The following HECW2 variants were observed in gnomAD, a reference collection of about 807,000 sequenced individuals.
HECW2 encodes the protein E3 ubiquitin-protein ligase HECW2.
HECW2 carries 61 observed loss-of-function variants against 175.2 expected under a neutral mutation model. That is an observed-to-expected ratio of 0.35 (90% CI 0.28 to 0.43). The LOEUF is 0.43. Ranked by LOEUF, HECW2 falls within the 20% of genes least tolerant of loss-of-function variation. The pLI is 1.00. For missense variants in HECW2, 1,524 were observed against 2,000.5 expected (o/e 0.76, Z 4.54); for synonymous variants, 671 against 731.0 (o/e 0.92, Z 1.32).
At chr2:196,330,089 G>A (rs1017703410) in intron 4 of HECW2, among the ~76,000 whole-genome samples, 3 of 152,080 alleles carry the variant, frequency 2.0e-5, no homozygotes, top group East Asian at 3.9e-4. Flanking sequence ...ATGCTCTCTC[G>A]TCAAGTATTT....
At chr2:196,477,529 G>T (rs974605253) in intron 1 of HECW2, among the ~76,000 whole-genome samples, 1 of 152,138 alleles carries the variant, frequency 6.6e-6, no homozygotes, top group Non-Finnish European at 1.5e-5. Context: ...TGTCACAGGG[G>T]ATTTCATTTT....
intron 14 of HECW2, among the ~76,000 whole-genome samples, chr2:196,279,303 C>T (rs1455613604): frequency 2.6e-5 from 4 of 152,206 alleles, no homozygotes; most frequent in African/African-American, 7.2e-5. Flanking sequence ...CTGCCTTGGC[C>T]TCCCAAAGTG....
intron 19 of HECW2, among the ~76,000 whole-genome samples, chr2:196,244,290 G>A (rs890211523): frequency 6.6e-6 from 1 of 152,152 alleles, no homozygotes; most frequent in Non-Finnish European, 1.5e-5. Context: ...AGGAAACAAA[G>A]CTATACCCCT....
chr2:196,224,312 G>A (rs11888381), intron 23 of HECW2, among the ~76,000 whole-genome samples: 7,728 of 152,146 alleles, frequency 0.051, 653 homozygotes, highest in African/African-American at 0.18. Context: ...CATCCGAGTG[G>A]AGATATTTGG....
intron 1 of HECW2, among the ~76,000 whole-genome samples, chr2:196,543,737 C>T (rs562491784): frequency 3.9e-5 from 6 of 152,218 alleles, no homozygotes; most frequent in African/African-American, 4.8e-5. Flanking sequence ...CTCAGCCTCC[C>T]GAGTAGCTGG....
intron 14 of HECW2, chr2:196,291,531 T>C (rs1274434605): frequency 2.0e-5 from 3 of 152,212 alleles, no homozygotes; most frequent in Non-Finnish European, 4.4e-5. Flanking sequence ...CAAGGGTTGT[T>C]AAATACTTTA....
rs532704440 is a variant in HECW2 at position 196,501,278 on chromosome 2, T to C, written c.-35-67820A>G. ...GGAAGGGATGCCACAATTACAGAAA[T>C]TGACAAAAAGAATTTTATTTTTTGA... On this transcript the variant is annotated intron_variant, in intron 1 of 28. Coordinates refer to ENST00000644978, the MANE Select transcript of HECW2 (RefSeq NM_001348768.2). 1.6e-3 allele frequency among the ~76,000 whole-genome samples: 251 copies of C among 152,240 alleles called. 1 individual carries two copies. The highest frequency in any genetic ancestry group is 5.8e-3 in the African/African-American group (239 of 41,546).
At chr2:196,391,153 A>C (rs960269498) in intron 2 of HECW2, among the ~76,000 whole-genome samples, 21 of 152,292 alleles carry the variant, frequency 1.4e-4, no homozygotes, top group Non-Finnish European at 2.9e-4. Flanking sequence ...CCAGTTCTAA[A>C]TATATAGTCT....
chr2:196,475,732 C>G (rs1472593927), intron 1 of HECW2, among the ~76,000 whole-genome samples: 1 of 152,196 alleles, frequency 6.6e-6, no homozygotes, highest in African/African-American at 2.4e-5. Flanking sequence ...CTTAATTGGC[C>G]TCTGTTGGTT....
chr2:196,467,407 C>G (rs1489319778), intron 1 of HECW2, among the ~76,000 whole-genome samples: 1 of 152,008 alleles, frequency 6.6e-6, no homozygotes, highest in Admixed American at 6.6e-5. Flanking sequence ...GGAGGAGGAG[C>G]TGCTATTTAT....
At chr2:196,503,357 G>A (rs563326744) in intron 1 of HECW2, among the ~76,000 whole-genome samples, 1 of 152,174 alleles carries the variant, frequency 6.6e-6, no homozygotes. Flanking sequence ...TGTGCAGAGG[G>A]GCAAGATAGA....
chr2:196,240,359 T>C, intron 21 of HECW2, 90 bp downstream of exon 21: 1 of 908,252 alleles, frequency 1.1e-6, no homozygotes, highest in Non-Finnish European at 1.7e-6. Flanking sequence ...CAGAAGGATT[T>C]CCTGTTTCAG....
At chr2:196,205,265 C>T (rs553750946) in intron 28 of HECW2, among the ~76,000 whole-genome samples, 9 of 152,188 alleles carry the variant, frequency 5.9e-5, no homozygotes, top group African/African-American at 1.9e-4. Flanking sequence ...GAGTCAGTGG[C>T]CAAATCAAGA....
At position 196,429,801 on chromosome 2, in the gene HECW2, T is replaced by C. The variant is rs1197956599; in HGVS notation, c.292+3331A>G. ...CTGAGTCAACCGGAGTACTAGAATC[T>C]CCAGGCCAGGGCCCTGGAAAGAAAA... On this transcript the variant is annotated intron_variant, in intron 2 of 28. Coordinates refer to ENST00000644978, the MANE Select transcript of HECW2 (RefSeq NM_001348768.2). Among the ~76,000 whole-genome samples, 4 of 152,138 alleles carry C rather than the reference T, an allele frequency of 2.6e-5. No individual in the cohort carries two copies. In the East Asian group the frequency reaches 7.7e-4, roughly 29 times the overall value.
At chr2:196,412,129 T>C (rs1345805112) in intron 2 of HECW2, among the ~76,000 whole-genome samples, 1 of 152,238 alleles carries the variant, frequency 6.6e-6, no homozygotes, top group African/African-American at 2.4e-5. Context: ...ATTAGTTTGC[T>C]AGGGCTGCCG....
intron 4 of HECW2, among the ~76,000 whole-genome samples, chr2:196,332,419 G>GTGTTTAA (rs1692400478): frequency 6.6e-6 from 1 of 152,148 alleles, no homozygotes; most frequent in African/African-American, 2.4e-5. Flanking sequence ...CTCAAGCTTG[G>GTGTTTAA]TCAGAAATCG....
chr2:196,382,812 C>T (rs1461842775), intron 2 of HECW2, among the ~76,000 whole-genome samples: 1 of 152,156 alleles, frequency 6.6e-6, no homozygotes, highest in African/African-American at 2.4e-5. Flanking sequence ...TAACCCTGAC[C>T]TTTAGAAATG....
intron 17 of HECW2, among the ~76,000 whole-genome samples, chr2:196,261,964 A>G (rs191997893): frequency 1.8e-4 from 28 of 152,274 alleles, no homozygotes; most frequent in African/African-American, 6.7e-4. Flanking sequence ...TGTTAAAGAC[A>G]ACTGATCATG....
intron 1 of HECW2, among the ~76,000 whole-genome samples, chr2:196,437,610 T>TTAAAAAAAAAAAAAA (rs1695916412): frequency 1.1e-3 from 1 of 900 alleles, no homozygotes; most frequent in Admixed American, 0.019. Context: ...AGACTCTGTC[T>TTAAAAAAAAAAAAAA]CAAAAAAAAA....
Sources: allele counts gnomAD v4.1 joint callset (sites outside exome capture counted in the v4.1 genomes callset), GRCh38; gene constraint gnomAD v4.1.1; transcripts MANE v1.5; gene names NCBI Gene and HGNC (gene_info 2026-07-23, HGNC 2026-07-21).